The following POU6F2 variants were observed in gnomAD, a reference collection of about 807,000 sequenced individuals.
POU6F2 encodes the protein POU domain, class 6, transcription factor 2.
In POU6F2, 31 loss-of-function variants were observed where a neutral mutation model predicts 71.3. The observed-to-expected ratio is 0.43, with a 90% CI of 0.33 to 0.59. The LOEUF (loss-of-function observed/expected upper bound fraction) is 0.59, where lower values mean the gene tolerates loss of function less well. POU6F2 is among the 20% of genes least tolerant of loss of function. POU6F2 has a pLI of 0.04. For synonymous variants in POU6F2, 347 were observed against 355.7 expected (o/e 0.98, Z 0.27); for missense variants, 783 against 856.8 (o/e 0.91, Z 1.07).
chr7:39,047,723 C>G (rs1465982478), intron 1 of POU6F2, among the ~76,000 whole-genome samples: 2 of 151,802 alleles, frequency 1.3e-5, no homozygotes, highest in African/African-American at 4.8e-5. Context: ...TGAGGAAATT[C>G]TGTTTGATTC....
In POU6F2 at chr7:39,250,921, C is replaced by T. The variant is rs145285331; in HGVS notation, c.598+43301C>T. Among the ~76,000 whole-genome samples the T allele has an allele frequency of 3.5e-3, 526 of 152,264 alleles. 7 individuals are homozygous for T. The highest frequency in any genetic ancestry group is 3.3e-3 in the Non-Finnish European group (224 of 68,026). On this transcript the variant is annotated intron_variant, in intron 4 of 9. Coordinates refer to ENST00000518318, the MANE Select transcript of POU6F2 (RefSeq NM_001370959.1). ...TTGCTATCATGAATAACTGCAAATGCGTTCATGTTTTTGCTTTGCGTCTCC... is the reference window on the plus strand; with the variant it reads ...TTGCTATCATGAATAACTGCAAATGTGTTCATGTTTTTGCTTTGCGTCTCC...
intron 4 of POU6F2, among the ~76,000 whole-genome samples, chr7:39,310,618 G>A (rs1253186886): frequency 6.6e-6 from 1 of 152,190 alleles, no homozygotes; most frequent in Non-Finnish European, 1.5e-5. Flanking sequence ...TGTACTTTGT[G>A]ATGCTAACAA....
At chr7:39,459,949 G>C (rs1165086590) in intron 8 of POU6F2, among the ~76,000 whole-genome samples, 1 of 152,048 alleles carries the variant, frequency 6.6e-6, no homozygotes, top group African/African-American at 2.4e-5. Context: ...AACTGCTATG[G>C]GGGGAAAAAG....
intron 2 of POU6F2, among the ~76,000 whole-genome samples, chr7:39,090,967 AT>A (rs1791353713): frequency 6.6e-6 from 1 of 152,104 alleles, no homozygotes; most frequent in Non-Finnish European, 1.5e-5. Context: ...AAAAATGCAC[AT>A]TTGGATACAG....
chr7:39,033,061 C>T (rs1789980681), intron 1 of POU6F2, among the ~76,000 whole-genome samples: 1 of 152,132 alleles, frequency 6.6e-6, no homozygotes, highest in Non-Finnish European at 1.5e-5. Context: ...TTGGTCTCTG[C>T]CCAGGAGCAA....
chr7:39,441,451 GA>G (rs1008288426), intron 7 of POU6F2, among the ~76,000 whole-genome samples: 1 of 151,286 alleles, frequency 6.6e-6, no homozygotes, highest in African/African-American at 2.4e-5. Context: ...AGCAAGGGAA[GA>G]AAAAAAATCA....
At position 39,274,162 on chromosome 7, in the gene POU6F2, T is replaced by G. The variant is rs1400833161; in HGVS notation, c.599-65480T>G. On this transcript the variant is annotated intron_variant, in intron 4 of 9. Transcript: ENST00000518318. The stretch of plus-strand genomic sequence containing the variant: ...CTTTCAAGACCGCTAGCAAGACTAA[T>G]AAAGAAAAAAAGAGAGAAGAATCAA... Among the ~76,000 whole-genome samples, 7 of 150,342 alleles carry G rather than the reference T, an allele frequency of 4.7e-5. No homozygotes were observed. The East Asian group carries it at 1.4e-3, about 29-fold the overall frequency.
chr7:39,341,066 C>T (rs2299141), intron 5 of POU6F2, among the ~76,000 whole-genome samples: 85,270 of 152,038 alleles, frequency 0.56, 24,090 homozygotes, highest in East Asian at 0.74. Context: ...GTCCGGCTCT[C>T]CCCAGCCTGA....
intron 2 of POU6F2, among the ~76,000 whole-genome samples, chr7:39,190,654 TTTTG>T: frequency 7.3e-6 from 1 of 136,282 alleles, no homozygotes; most frequent in Non-Finnish European, 1.6e-5. Flanking sequence ...TTTTTTTTTT[TTTTG>T]ATGGAGTCTC....
At chr7:39,365,626 A>G (rs1233794428) in intron 5 of POU6F2, among the ~76,000 whole-genome samples, 2 of 152,206 alleles carry the variant, frequency 1.3e-5, no homozygotes, top group African/African-American at 4.8e-5. Context: ...AATCTTCACA[A>G]TCCATACATC....
intron 1 of POU6F2, among the ~76,000 whole-genome samples, chr7:39,008,462 T>C (rs1270852195): frequency 4.6e-5 from 7 of 150,868 alleles, no homozygotes; most frequent in African/African-American, 1.7e-4. Context: ...TTTTCTCCCA[T>C]TTTGTAGGTT....
At chr7:39,288,402 G>C (rs1158555166) in intron 4 of POU6F2, among the ~76,000 whole-genome samples, 1 of 152,180 alleles carries the variant, frequency 6.6e-6, no homozygotes, top group Admixed American at 6.5e-5. Flanking sequence ...GACAGAGGAG[G>C]ATAAACTAAT....
chr7:39,215,252 T>C (rs1039844395), intron 4 of POU6F2, among the ~76,000 whole-genome samples: 1 of 152,044 alleles, frequency 6.6e-6, no homozygotes, highest in Non-Finnish European at 1.5e-5. Context: ...GGCTGAGGCA[T>C]GAGAATCGCT....
intron 4 of POU6F2, among the ~76,000 whole-genome samples, chr7:39,274,251 A>G (rs1583489602): frequency 6.6e-6 from 1 of 152,206 alleles, no homozygotes. Flanking sequence ...ACAAACTACC[A>G]TCAGAGAATA....
At chr7:38,996,859 C>T (rs1461249962) in intron 1 of POU6F2, among the ~76,000 whole-genome samples, 1 of 152,138 alleles carries the variant, frequency 6.6e-6, no homozygotes, top group African/African-American at 2.4e-5. Context: ...CCTCAGTCAC[C>T]TTGACTCCCC....
At chr7:38,998,468 A>G (rs932017633) in intron 1 of POU6F2, among the ~76,000 whole-genome samples, 1 of 152,206 alleles carries the variant, frequency 6.6e-6, no homozygotes, top group Non-Finnish European at 1.5e-5. Context: ...TCTCATTTTT[A>G]AAAATCATAC....
intron 6 of POU6F2, among the ~76,000 whole-genome samples, chr7:39,408,146 G>T (rs112441837): frequency 1.3e-5 from 2 of 152,298 alleles, no homozygotes; most frequent in African/African-American, 4.8e-5. Flanking sequence ...ACTCACATCA[G>T]GTCGCTGCTT....
At chr7:39,078,280 G>A (rs1164093493) in intron 1 of POU6F2, among the ~76,000 whole-genome samples, 1 of 152,132 alleles carries the variant, frequency 6.6e-6, no homozygotes, top group Non-Finnish European at 1.5e-5. Flanking sequence ...GTTCATTAAG[G>A]TAGATATGGC....
At chr7:39,030,501 TATATATATATA>T (rs1789912530) in intron 1 of POU6F2, among the ~76,000 whole-genome samples, 1 of 8,162 alleles carries the variant, frequency 1.2e-4, no homozygotes. Context: ...CAAAAAATAC[TATATATATATA>T]TATATATATA....
Sources: allele counts gnomAD v4.1 joint callset (sites outside exome capture counted in the v4.1 genomes callset), GRCh38; gene constraint gnomAD v4.1.1; transcripts MANE v1.5; gene names NCBI Gene and HGNC (gene_info 2026-07-23, HGNC 2026-07-21).